RAF1: variants seen among roughly 807,000 people sequenced by gnomAD.
RAF1 encodes Raf-1 proto-oncogene, serine/threonine kinase.
In RAF1, 27 loss-of-function variants were observed where a neutral mutation model predicts 81.1. That is an observed-to-expected ratio of 0.33 (90% CI 0.25 to 0.46). The LOEUF (loss-of-function observed/expected upper bound fraction) is 0.46. Ranked by LOEUF, RAF1 falls within the 20% of genes least tolerant of loss-of-function variation. The pLI, the probability that RAF1 is intolerant of heterozygous loss-of-function variation, is 1.00. For missense variants in RAF1, 598 were observed against 826.0 expected (o/e 0.72, Z 3.38); for synonymous variants, 298 against 294.0 (o/e 1.01, Z -0.14).
chr3:12,616,534 A>G (rs532112097), intron 2 of RAF1, among the ~76,000 whole-genome samples: 21 of 152,350 alleles, frequency 1.4e-4, no homozygotes, highest in African/African-American at 5.1e-4. Context: ...AGACAAAGAT[A>G]AACTTACTCA....
chr3:12,604,658 C>A (rs1262490597), intron 6 of RAF1, among the ~76,000 whole-genome samples: 1 of 152,102 alleles, frequency 6.6e-6, no homozygotes, highest in Non-Finnish European at 1.5e-5. Context: ...GGAACACGCC[C>A]AGTTTAGAGA....
intron 2 of RAF1, 133 bp from the exon 3 acceptor site, chr3:12,612,195 A>C: frequency 2.8e-6 from 2 of 713,352 alleles, no homozygotes; most frequent in South Asian, 1.5e-5. Context: ...AAACAACCTG[A>C]ATGTCCAGCA....
intron 1 of RAF1, among the ~76,000 whole-genome samples, chr3:12,657,856 CAAAA>C (rs55918245): frequency 7.7e-5 from 11 of 143,784 alleles, no homozygotes; most frequent in African/African-American, 2.6e-4. Context: ...TTTTATCACC[CAAAA>C]AAAAAACAAA....
chr3:12,592,850 C>T (rs1276214616), intron 11 of RAF1, among the ~76,000 whole-genome samples: 2 of 150,692 alleles, frequency 1.3e-5, no homozygotes, highest in Non-Finnish European at 2.9e-5. Flanking sequence ...ATTCTCCTGC[C>T]TCAGCCTCCC....
At chr3:12,620,741 G>C (rs1410026298) in intron 1 of RAF1, among the ~76,000 whole-genome samples, 1 of 152,124 alleles carries the variant, frequency 6.6e-6, no homozygotes, top group South Asian at 2.1e-4. Context: ...GCCTCCCAAA[G>C]TACTGGGATT....
At chr3:12,624,245 C>T (rs2059632989) in intron 1 of RAF1, among the ~76,000 whole-genome samples, 1 of 152,124 alleles carries the variant, frequency 6.6e-6, no homozygotes, top group Non-Finnish European at 1.5e-5. Context: ...GCTTCAAGGG[C>T]CCTACAAGTT....
At chr3:12,586,526 T>G (rs2125329059) in intron 14 of RAF1, among the ~76,000 whole-genome samples, 1 of 152,316 alleles carries the variant, frequency 6.6e-6, no homozygotes. Context: ...GGTATAATGT[T>G]TGGCTGCTAA....
At chr3:12,645,491 GA>G (rs2060318482) in intron 1 of RAF1, among the ~76,000 whole-genome samples, 1 of 152,086 alleles carries the variant, frequency 6.6e-6, no homozygotes, top group South Asian at 2.1e-4. Context: ...ATAATACACT[GA>G]TTTGAATGGT....
intron 2 of RAF1, 78 bp downstream of exon 2, chr3:12,618,437 C>T (rs1338788130): frequency 7.4e-6 from 11 of 1,484,928 alleles, no homozygotes; most frequent in Non-Finnish European, 8.5e-6. Flanking sequence ...TTTTGCCTGT[C>T]TTTAAGTTGA....
rs1052034234 is a variant in RAF1 at position 12,626,816 on chromosome 3, G to A, written c.-26-8069C>T. 4.6e-5 allele frequency among the ~76,000 whole-genome samples: 7 copies of A among 151,960 alleles called. No individual in the cohort carries two copies. The East Asian group carries it at 1.2e-3, about 25-fold the overall frequency. Reference sequence around the variant, plus strand: ...AGGCAGGTGAATTACCTGAGGTCAGGAGTTCGAGATCAGCCTGACCAACAT... The same window carrying A: ...AGGCAGGTGAATTACCTGAGGTCAGAAGTTCGAGATCAGCCTGACCAACAT... On this transcript the variant is annotated intron_variant, in intron 1 of 17. Transcript: ENST00000442415.
intron 5 of RAF1, among the ~76,000 whole-genome samples, chr3:12,608,069 G>A (rs1260212896): frequency 1.3e-5 from 2 of 150,986 alleles, no homozygotes; most frequent in African/African-American, 2.4e-5. Flanking sequence ...GACCATGAAA[G>A]CAAAAACATT....
At chr3:12,652,878 G>C (rs2060574598) in intron 1 of RAF1, among the ~76,000 whole-genome samples, 1 of 151,026 alleles carries the variant, frequency 6.6e-6, no homozygotes, top group Non-Finnish European at 1.5e-5. Flanking sequence ...GTTGCAGTGA[G>C]TACAGTGAGC....
chr3:12,593,612 C>A (rs1176799010), intron 11 of RAF1, among the ~76,000 whole-genome samples: 1 of 152,066 alleles, frequency 6.6e-6, no homozygotes, highest in Non-Finnish European at 1.5e-5. Context: ...ATGTTTGGAG[C>A]TACCTTCTAT....
intron 1 of RAF1, among the ~76,000 whole-genome samples, chr3:12,655,175 C>A (rs1187627366): frequency 6.6e-6 from 1 of 152,148 alleles, no homozygotes; most frequent in Non-Finnish European, 1.5e-5. Context: ...CTCTGCCTCC[C>A]GAGTTCAAGC....
rs569662641 is a variant in RAF1 at position 12,639,712 on chromosome 3, AAAAT to A, written c.-26-20969_-26-20966del. ...GGAGAACTACAAACCACTGCTCAAC[AAAAT>A]AAAAGAGGACACAAATGGAAGAACA... is the stretch of plus-strand genomic sequence containing the variant. On this transcript the variant is annotated intron_variant, in intron 1 of 17. Transcript: ENST00000442415. 2.4e-3 allele frequency among the ~76,000 whole-genome samples: 367 copies of A among 152,238 alleles called. 2 individuals carry two copies. Among genetic ancestry groups the A allele is most frequent in the African/African-American group, 8.3e-3 (346 of 41,534 alleles).
chr3:12,617,952 AT>A (rs1209859131), intron 2 of RAF1, among the ~76,000 whole-genome samples: 1 of 152,052 alleles, frequency 6.6e-6, no homozygotes, highest in Non-Finnish European at 1.5e-5. Context: ...TCCTGCCATG[AT>A]GCCAATATGA....
chr3:12,659,457 A>G lies in RAF1; in HGVS notation c.-27+4356T>C, dbSNP rs917838425. Among the ~76,000 whole-genome samples the G allele has an allele frequency of 9.9e-5, 15 of 150,788 alleles. No individual in the cohort carries two copies. The East Asian group carries it at 1.2e-3, about 12-fold the overall frequency. On this transcript the variant is annotated intron_variant, in intron 1 of 17. Transcript: ENST00000442415. Reference sequence around the variant, plus strand: ...AAAAAAAAAAAAAATTACACGCAAGATAAGTTAGCCCTATACCAAAAGTAC... The same window carrying G: ...AAAAAAAAAAAAAATTACACGCAAGGTAAGTTAGCCCTATACCAAAAGTAC...
At chr3:12,601,360 C>T (rs2058855635) in intron 8 of RAF1, among the ~76,000 whole-genome samples, 1 of 152,124 alleles carries the variant, frequency 6.6e-6, no homozygotes, top group African/African-American at 2.4e-5. Flanking sequence ...ATTTGGAAAT[C>T]GGTTACATTC....
At chr3:12,638,446 GCAGT>G (rs2060091184) in intron 1 of RAF1, among the ~76,000 whole-genome samples, 1 of 152,180 alleles carries the variant, frequency 6.6e-6, no homozygotes. Context: ...TGATTGGCTG[GCAGT>G]CAGTCATCTA....
Sources: gnomAD v4.1 joint callset for allele counts (sites outside exome capture counted in the v4.1 genomes callset) on GRCh38, gnomAD v4.1.1 for gene constraint, MANE v1.5 for transcripts, NCBI Gene and HGNC (gene_info 2026-07-23, HGNC 2026-07-21) for gene names.